Variants in IQSEC1 observed in about 807,000 individuals in gnomAD.
IQSEC1 encodes the protein IQ motif and SEC7 domain-containing protein 1.
A neutral mutation model predicts 91.0 loss-of-function variants in IQSEC1; 31 were observed. The ratio of observed to expected loss-of-function variants is 0.34; its 90% CI spans 0.26 to 0.46. IQSEC1 has a LOEUF of 0.46. IQSEC1 is among the 20% of genes least tolerant of loss of function. IQSEC1 has a pLI of 1.00. For missense variants in IQSEC1, 1,388 were observed against 1,575.6 expected (o/e 0.88, Z 2.02); for synonymous variants, 699 against 662.6 (o/e 1.05, Z -0.84).
intron 1 of IQSEC1, among the ~76,000 whole-genome samples, chr3:13,197,061 C>G (rs890299217): frequency 1.3e-4 from 20 of 152,090 alleles, no homozygotes; most frequent in Non-Finnish European, 2.8e-4. Context: ...CCCCTGTGCC[C>G]TGGGACACTG....
At chr3:12,931,097 G>A (rs1366520037) in intron 3 of IQSEC1, among the ~76,000 whole-genome samples, 1 of 152,130 alleles carries the variant, frequency 6.6e-6, no homozygotes, top group African/African-American at 2.4e-5. Context: ...CCAGAGAGAA[G>A]GCAGGAGAAT....
At chr3:13,046,067 G>A (rs1012188442) in intron 1 of IQSEC1, among the ~76,000 whole-genome samples, 15 of 152,200 alleles carry the variant, frequency 9.9e-5, no homozygotes, top group African/African-American at 3.6e-4. Context: ...CTAGTATGAG[G>A]GCAGGGAGTG....
At chr3:13,007,337 T>A (rs1702680835) in intron 1 of IQSEC1, among the ~76,000 whole-genome samples, 1 of 152,202 alleles carries the variant, frequency 6.6e-6, no homozygotes, top group South Asian at 2.1e-4. Flanking sequence ...TGTCGGCCGT[T>A]CTAAACATCC....
intron 2 of IQSEC1, among the ~76,000 whole-genome samples, chr3:13,094,939 A>G (rs1705928686): frequency 6.6e-6 from 1 of 152,140 alleles, no homozygotes; most frequent in African/African-American, 2.4e-5. Context: ...ACGCTGAGAG[A>G]GGAGCCCAGC....
intron 1 of IQSEC1, among the ~76,000 whole-genome samples, chr3:13,254,199 C>T (rs1695247376): frequency 2.0e-5 from 3 of 152,268 alleles, no homozygotes; most frequent in East Asian, 1.9e-4. Flanking sequence ...CCCACATCGG[C>T]GTGCAGCCTG....
chr3:13,243,727 G>T (rs1013144023), intron 1 of IQSEC1, among the ~76,000 whole-genome samples: 1 of 152,144 alleles, frequency 6.6e-6, no homozygotes, highest in African/African-American at 2.4e-5. Flanking sequence ...GCCCGCACAT[G>T]CCTCTCTGGT....
rs779424692 is a variant in IQSEC1 at position 12,915,140 on chromosome 3, G to A, written c.2161-7C>T. The A allele has an allele frequency of 1.2e-6, 2 of 1,608,536 alleles. No homozygotes were observed. The highest frequency in any genetic ancestry group is 1.7e-5 in the Admixed American group (1 of 59,536). On this transcript the variant is annotated splice_polypyrimidine_tract_variant and splice_region_variant and intron_variant, in intron 7 of 13. Transcript: ENST00000613206. ...CGGGATGCAGGGATCCGATCTGCGG[G>A]AGAATGTGAAACCAACAAAAGGGTG...
intron 1 of IQSEC1, among the ~76,000 whole-genome samples, chr3:13,040,516 C>T (rs1160221536): frequency 6.6e-6 from 1 of 152,186 alleles, no homozygotes; most frequent in African/African-American, 2.4e-5. Context: ...CCTCCTAGAG[C>T]CTGAGCCACG....
At chr3:13,090,492 T>A (rs1476674910) in intron 2 of IQSEC1, among the ~76,000 whole-genome samples, 1 of 152,108 alleles carries the variant, frequency 6.6e-6, no homozygotes, top group African/African-American at 2.4e-5. Flanking sequence ...CACACCCCCA[T>A]CCCGTGTTGC....
At chr3:13,270,111 G>A (rs143672856) in intron 1 of IQSEC1, among the ~76,000 whole-genome samples, 77 of 152,272 alleles carry the variant, frequency 5.1e-4, no homozygotes, top group Middle Eastern at 3.4e-3. Flanking sequence ...AGTCGTTTTG[G>A]ACCCTCCAGA....
At chr3:13,118,804 G>A (rs980754971) in intron 2 of IQSEC1, among the ~76,000 whole-genome samples, 15 of 152,116 alleles carry the variant, frequency 9.9e-5, no homozygotes, top group African/African-American at 2.4e-4. Context: ...GGCTGGGGGC[G>A]GTGGCTCATG....
rs542261158 is a variant in IQSEC1 at position 13,038,311 on chromosome 3, A to C, written c.23+34681T>G. 7.3e-5 allele frequency among the ~76,000 whole-genome samples: 10 copies of C among 136,390 alleles called. No homozygotes were observed. The South Asian group carries it at 2.4e-3, about 33-fold the overall frequency. 89.5% of individuals were successfully genotyped at this position (136,390 alleles called of 152,430 possible). A position where few individuals can be genotyped will look rare whatever the true frequency, so the allele number is the denominator to read the frequency against. On this transcript the variant is annotated intron_variant, in intron 1 of 13. Coordinates refer to ENST00000613206, the MANE Select transcript of IQSEC1 (RefSeq NM_001134382.3). ...ATATATATATATAAAATGAAGTACT[A>C]TTCAGCCATAAATGATATCCAGCCA...
chr3:13,138,421 T>C (rs1454891787), intron 2 of IQSEC1, among the ~76,000 whole-genome samples: 1 of 152,000 alleles, frequency 6.6e-6, no homozygotes, highest in East Asian at 1.9e-4. Context: ...ATGCCCCATG[T>C]GGAGCCTCAG....
intron 1 of IQSEC1, among the ~76,000 whole-genome samples, chr3:13,028,171 A>T (rs181098292): frequency 6.6e-6 from 1 of 152,236 alleles, no homozygotes. Context: ...TCACGCCTCA[A>T]GCATAGGGTT....
intron 13 of IQSEC1, 88 bp downstream of exon 13, chr3:12,902,670 CAAAAAAAAAAAAAAA>C (rs1213830618): frequency 2.1e-5 from 4 of 192,644 alleles, no homozygotes; most frequent in Non-Finnish European, 2.7e-5. Flanking sequence ...AAAAAAAAAC[CAAAAAAAAAAAAAAA>C]AAAAAAAAAC....
intron 1 of IQSEC1, among the ~76,000 whole-genome samples, chr3:12,943,760 C>G (rs1698972978): frequency 6.6e-6 from 1 of 152,248 alleles, no homozygotes; most frequent in Admixed American, 6.5e-5. Flanking sequence ...TCCCGTGAAG[C>G]CTGGAGTGGG....
intron 1 of IQSEC1, among the ~76,000 whole-genome samples, chr3:13,255,774 A>G (rs776747470): frequency 1.3e-5 from 2 of 152,158 alleles, no homozygotes; most frequent in Non-Finnish European, 2.9e-5. Context: ...GAGCCACTGT[A>G]ATCTGCACTC....
Position 12,909,072 on chromosome 3 carries a change from G to T in IQSEC1, c.2578+201C>A, listed in dbSNP as rs548586953. Among the ~76,000 whole-genome samples the T allele has an allele frequency of 6.6e-6, 1 of 152,324 alleles. No individual in the cohort carries two copies. Among genetic ancestry groups the T allele is most frequent in the East Asian group, 1.9e-4 (1 of 5,170 alleles). On this transcript the variant is annotated intron_variant, in intron 11 of 13. Transcript: ENST00000613206. The surrounding 1 kb of genome is among the most constrained non-coding windows in gnomAD (Gnocchi z 4.9). ...TGGACATACAACAGGCAACAGGTAG[G>T]GCGGGTCCTGGATTGGACTCCCTCT... is the stretch of plus-strand genomic sequence containing the variant.
intron 2 of IQSEC1, among the ~76,000 whole-genome samples, chr3:13,109,431 G>A (rs765411477): frequency 9.2e-5 from 14 of 152,082 alleles, no homozygotes; most frequent in Non-Finnish European, 1.6e-4. Flanking sequence ...GCCACTCCCC[G>A]GGTCCAAAAC....
Sources: gnomAD v4.1 joint callset for allele counts (sites outside exome capture counted in the v4.1 genomes callset) on GRCh38, gnomAD v4.1.1 for gene constraint, Gnocchi (gnomAD v3.1) non-coding constraint, MANE v1.5 for transcripts, NCBI Gene and HGNC (gene_info 2026-07-23, HGNC 2026-07-21) for gene names.